The following TASOR2 variants were observed in gnomAD, a reference collection of about 807,000 sequenced individuals.
TASOR2 encodes protein TASOR 2.
A neutral mutation model predicts 199.5 loss-of-function variants in TASOR2; 84 were observed. The observed-to-expected ratio is 0.42, with a 90% CI of 0.35 to 0.50. The LOEUF is 0.50. TASOR2 is among the 20% of genes least tolerant of loss of function. The pLI, the probability that TASOR2 is intolerant of heterozygous loss-of-function variation, is 0.02. For missense variants in TASOR2, 2,796 were observed against 2,835.9 expected (o/e 0.99, Z 0.32); for synonymous variants, 1,103 against 1,046.6 (o/e 1.05, Z -1.04).
At position 5,736,866 on chromosome 10, in the gene TASOR2, T is replaced by C. The variant is rs565960969; in HGVS notation, c.1447+1320T>C. 2.2e-4 allele frequency among the ~76,000 whole-genome samples: 33 copies of C among 152,328 alleles called. No homozygotes were observed. The South Asian group carries it at 4.8e-3, about 22-fold the overall frequency. On this transcript the variant is annotated intron_variant, in intron 12 of 20. Coordinates refer to ENST00000328090, the Ensembl canonical transcript of TASOR2. ...CTCCTATCTTTCTATGAGTTTTCTG[T>C]CTGGTTTTCCTGATTCTACTTTCTC...
rs1382967660 is a variant in TASOR2, at chr10:5,699,051, C to A, written c.-287-13772C>A. Reference sequence around the variant, plus strand: ...CATGAATGCTCATAGCATAATTATTCATAATAGCCAAAATGTAGAAACAAC... The same window carrying A: ...CATGAATGCTCATAGCATAATTATTAATAATAGCCAAAATGTAGAAACAAC... On this transcript the variant is annotated intron_variant, in intron 1 of 20. Coordinates refer to ENST00000328090, the Ensembl canonical transcript of TASOR2. The surrounding 1 kb of genome is among the most constrained non-coding windows in gnomAD (Gnocchi z 4.1). Among the ~76,000 whole-genome samples the A allele has an allele frequency of 1.3e-5, 2 of 152,100 alleles. No homozygotes were observed. The highest frequency in any genetic ancestry group is 2.9e-5 in the Non-Finnish European group (2 of 67,984).
intron 1 of TASOR2, among the ~76,000 whole-genome samples, chr10:5,707,378 A>T (rs1838768851): frequency 6.6e-6 from 1 of 152,186 alleles, no homozygotes; most frequent in Non-Finnish European, 1.5e-5. Context: ...AGTTTATTTC[A>T]TCAGTTCAGG....
intron 18 of TASOR2, 67 bp from the exon 20 acceptor site, chr10:5,761,223 G>A (rs1022595099): frequency 3.3e-5 from 46 of 1,394,088 alleles, no homozygotes; most frequent in Non-Finnish European, 4.3e-5. Flanking sequence ...TGGTTAAACT[G>A]AAGGCAAGAA....
In TASOR2 at chr10:5,740,074, C is replaced by A. The variant is rs760335710; in HGVS notation, c.1904C>A (p.Thr635Asn). ...CCTGCTAAAGCCCAGTCAGCACTTA[C>A]TGAGGAAATGCTAGAATCTTCAGAT... Residue 635 changes from threonine to asparagine, a missense_variant, in exon 13 of 21, where the codon ACT (threonine) becomes AAT (asparagine). Transcript: ENST00000328090. The surrounding 1 kb of genome is among the most constrained non-coding windows in gnomAD (Gnocchi z 5.3). 9 of 1,614,058 alleles carry A rather than the reference C, an allele frequency of 5.6e-6. No individual in the cohort carries two copies. The Admixed American group carries it at 1.2e-4, about 21-fold the overall frequency.
At chr10:5,696,662 G>T (rs1588599401) in intron 1 of TASOR2, among the ~76,000 whole-genome samples, 1 of 152,126 alleles carries the variant, frequency 6.6e-6, no homozygotes, top group African/African-American at 2.4e-5. Context: ...GCCCTAGTCA[G>T]CTTTTAAATG....
chr10:5,742,471 A>C lies in TASOR2; in HGVS notation c.2702A>C (p.Glu901Ala). ...GAACAGAAAAAAACTTTTGCAAGAG[A>C]GTGTGATCCAGACACCCAAGAAGAC... Residue 901 changes from glutamate (E) to alanine (A), a missense_variant, in exon 14 of 21, where the codon GAG (glutamate) becomes GCG (alanine). By Grantham distance (107) the Glu-to-Ala change is moderately radical (BLOSUM62 -1). Around this residue, in one of 3 missense-constraint regions of TASOR2, gnomAD observed 1,941 missense variants for 1,924.9 expected, o/e 1.01. Transcript: ENST00000328090. This position sits in a 1 kb window ranked among gnomAD's most constrained non-coding sequence, Gnocchi z 4.2. 6.2e-7 allele frequency: 1 copy of C among 1,614,030 alleles called. No homozygotes were observed. The highest frequency in any genetic ancestry group is 8.5e-7 in the Non-Finnish European group (1 of 1,180,018).
chr10:5,758,719 TGA>T (rs1839340538), intron 17 of TASOR2, among the ~76,000 whole-genome samples, 166 bp from the exon 19 acceptor site: 1 of 152,340 alleles, frequency 6.6e-6, no homozygotes, highest in East Asian at 1.9e-4. Flanking sequence ...GAGGGGCTTG[TGA>T]GAGCAGGATG....
In TASOR2 at chr10:5,699,151, G is replaced by T. The variant is rs564985976; in HGVS notation, c.-287-13672G>T. Reference sequence around the variant, plus strand: ...GTGGAATATTATTTGGCATAAAAAGGTATGAAATATTGATATATGCTTTAA... The same window carrying T: ...GTGGAATATTATTTGGCATAAAAAGTTATGAAATATTGATATATGCTTTAA... On this transcript the variant is annotated intron_variant, in intron 1 of 20. Coordinates refer to ENST00000328090, the Ensembl canonical transcript of TASOR2. The surrounding 1 kb of genome is among the most constrained non-coding windows in gnomAD (Gnocchi z 4.1). 6.6e-6 allele frequency among the ~76,000 whole-genome samples: 1 copy of T among 152,238 alleles called. No homozygotes were observed. The highest frequency in any genetic ancestry group is 1.9e-4 in the East Asian group (1 of 5,190).
At chr10:5,734,008 T>C (rs1835214066) in intron 11 of TASOR2, among the ~76,000 whole-genome samples, 1 of 152,220 alleles carries the variant, frequency 6.6e-6, no homozygotes, top group Non-Finnish European at 1.5e-5. Flanking sequence ...GAAATGGGTC[T>C]CCTTTTTTCT....
rs1420870927 is a variant in TASOR2, at chr10:5,763,015, TTG to T, written c.7290-10_7290-9del. ...TATTTTAAGAAGTTCTTTATCAATT[TTG>T]TGTTTCTTCAGGTGACTCAACTACA... is the stretch of plus-strand genomic sequence containing the variant. On this transcript the variant is annotated splice_polypyrimidine_tract_variant and intron_variant, in intron 20 of 20. Transcript: ENST00000328090. 3.7e-6 allele frequency: 6 copies of T among 1,610,768 alleles called. No homozygotes were observed. The highest frequency in any genetic ancestry group is 1.3e-5 in the African/African-American group (1 of 74,870).
chr10:5,737,263 G>C lies in TASOR2; in HGVS notation c.1447+1717G>C, dbSNP rs1588821800. ...TTACAGGTGTGAGCCACCACGCCCA[G>C]CCAGGTTTGTTTTTTTTAGTTTTTT... On this transcript the variant is annotated intron_variant, in intron 12 of 20. Transcript: ENST00000328090. This position sits in a 1 kb window ranked among gnomAD's most constrained non-coding sequence, Gnocchi z 4.9. 6.6e-6 allele frequency among the ~76,000 whole-genome samples: 1 copy of C among 151,684 alleles called. No individual in the cohort carries two copies. Among genetic ancestry groups the C allele is most frequent in the African/African-American group, 2.4e-5 (1 of 41,122 alleles).
chr10:5,760,800 G>C (rs1176766805), intron 18 of TASOR2: 2 of 152,516 alleles, frequency 1.3e-5, no homozygotes, highest in African/African-American at 4.8e-5. Context: ...GAAAACTAGA[G>C]AGACGGGAGT....
At chr10:5,732,324 C>T (rs749789413) in intron 11 of TASOR2, among the ~76,000 whole-genome samples, 4 of 152,252 alleles carry the variant, frequency 2.6e-5, no homozygotes, top group Non-Finnish European at 4.4e-5. Flanking sequence ...GTGCCTGTGT[C>T]GTCTCTGGCT....
At position 5,689,444 on chromosome 10, in the gene TASOR2, AC is replaced by A. The variant is rs1836175798; in HGVS notation, c.-288+4270del. On this transcript the variant is annotated intron_variant, in intron 1 of 20. Transcript: ENST00000328090. This position sits in a 1 kb window ranked among gnomAD's most constrained non-coding sequence, Gnocchi z 4.1. Reference sequence around the variant, plus strand: ...GTGAAACTCTGTCTCTACTAAAAATACAAAAATTATCCCGGCATGGGGGTGC... The same window carrying A: ...GTGAAACTCTGTCTCTACTAAAAATAAAAAATTATCCCGGCATGGGGGTGC... Among the ~76,000 whole-genome samples, 1 of 152,170 alleles carries A rather than the reference AC, an allele frequency of 6.6e-6. No homozygotes were observed.
intron 10 of TASOR2, among the ~76,000 whole-genome samples, chr10:5,729,890 A>AACAT (rs1834569298): frequency 3.0e-5 from 1 of 33,252 alleles, no homozygotes; most frequent in Middle Eastern, 0.011. Flanking sequence ...CTTCAGTCAA[A>AACAT]GCAGGAGAGG....
intron 10 of TASOR2, among the ~76,000 whole-genome samples, chr10:5,728,653 C>T (rs1468985388): frequency 1.3e-5 from 2 of 152,022 alleles, no homozygotes; most frequent in African/African-American, 2.4e-5. Context: ...TTACTTGAAG[C>T]AGAACGCTGT....
chr10:5,761,075 G>A, intron 18 of TASOR2: 1 of 500,572 alleles, frequency 2.0e-6, no homozygotes, highest in Non-Finnish European at 3.6e-6. Flanking sequence ...GATGCATGAT[G>A]TCCCTCTTAG....
rs1015273886 is a variant in TASOR2, at chr10:5,722,919, A to G, written c.147-758A>G. Among the ~76,000 whole-genome samples the G allele has an allele frequency of 5.3e-5, 8 of 151,508 alleles. No individual in the cohort carries two copies. Among genetic ancestry groups the G allele is most frequent in the African/African-American group, 1.9e-4 (8 of 41,242 alleles). On this transcript the variant is annotated intron_variant, in intron 6 of 20. Transcript: ENST00000328090. This position sits in a 1 kb window ranked among gnomAD's most constrained non-coding sequence, Gnocchi z 4.0. ...GCTATTCGGGAGGCTGAGGCAGGGT[A>G]ATCACTTGAACCCGGGAGTCAGAGG...
chr10:5,737,450 G>T lies in TASOR2; in HGVS notation c.1447+1904G>T, dbSNP rs989232745. 2.6e-5 allele frequency among the ~76,000 whole-genome samples: 4 copies of T among 151,192 alleles called. No individual in the cohort carries two copies. In the South Asian group the frequency reaches 6.3e-4, roughly 24 times the overall value. Reference sequence around the variant, plus strand: ...TTGAGCTCTTCTGCTTGTCCCTCTCGGGAGTTTATGGTGTGGCTGTACCTC... The same window carrying T: ...TTGAGCTCTTCTGCTTGTCCCTCTCTGGAGTTTATGGTGTGGCTGTACCTC... On this transcript the variant is annotated intron_variant, in intron 12 of 20. Coordinates refer to ENST00000328090, the Ensembl canonical transcript of TASOR2. This position sits in a 1 kb window ranked among gnomAD's most constrained non-coding sequence, Gnocchi z 4.9.
Sources: allele counts gnomAD v4.1 joint callset (sites outside exome capture counted in the v4.1 genomes callset), GRCh38; gene constraint gnomAD v4.1.1; regional missense constraint gnomAD v4.1.1; non-coding constraint Gnocchi (gnomAD v3.1); transcripts MANE v1.5; gene names NCBI Gene and HGNC (gene_info 2026-07-23, HGNC 2026-07-21).